The following BICDL1 variants were observed in gnomAD, a reference collection of about 807,000 sequenced individuals.
BICDL1 encodes BICD family like cargo adaptor 1, also known as BICD family-like cargo adapter 1.
A neutral mutation model predicts 76.8 loss-of-function variants in BICDL1; 20 were observed. That is an observed-to-expected ratio of 0.26 (90% CI 0.18 to 0.38). The LOEUF is 0.38. Among genes scored for constraint, BICDL1 ranks in the 10% least tolerant of loss-of-function variants. The probability of loss-of-function intolerance (pLI) is 1.00; values close to 1 mark genes in which losing one functional copy is unlikely to be tolerated. For missense variants in BICDL1, 700 were observed against 798.6 expected, an observed-to-expected ratio of 0.88 and a Z score of 1.49; for synonymous variants, 383 against 337.1, an observed-to-expected ratio of 1.14 and a Z score of -1.49.
chr12:120,001,507 A>G (rs373683720), intron 2 of BICDL1, among the ~76,000 whole-genome samples: 16 of 152,262 alleles, frequency 1.1e-4, no homozygotes, highest in East Asian at 3.9e-4. Context: ...CGGCCTCCCA[A>G]AGTGCTGGGA....
At chr12:120,087,176 G>T (rs765765665) in intron 8 of BICDL1, among the ~76,000 whole-genome samples, 6 of 152,244 alleles carry the variant, frequency 3.9e-5, no homozygotes, top group South Asian at 4.1e-4. Context: ...GAGGATTTCC[G>T]CTGTTTGCTG....
chr12:120,044,861 T>C (rs1952714772), intron 2 of BICDL1, among the ~76,000 whole-genome samples: 1 of 152,196 alleles, frequency 6.6e-6, no homozygotes, highest in South Asian at 2.1e-4. Flanking sequence ...GCTTTGTTCT[T>C]TTGGCGTAGG....
intron 2 of BICDL1, among the ~76,000 whole-genome samples, chr12:120,037,444 C>T (rs1047619075): frequency 6.6e-6 from 1 of 151,900 alleles, no homozygotes; most frequent in African/African-American, 2.4e-5. Flanking sequence ...CGAGAATTTT[C>T]AGGCTTGTAA....
intron 2 of BICDL1, among the ~76,000 whole-genome samples, chr12:120,006,745 G>A (rs951987195): frequency 6.6e-6 from 1 of 152,170 alleles, no homozygotes; most frequent in Non-Finnish European, 1.5e-5. Flanking sequence ...AGGGTTAGGA[G>A]ATGAGATCAG....
chr12:120,084,907 A>G lies in BICDL1; in HGVS notation c.1583+3890A>G, dbSNP rs1416950811. On this transcript the variant is annotated intron_variant, in intron 8 of 9. Transcript: ENST00000548673. ...CTCTGTCTCAAAAAAAAAAAAAAAAATTACTCATACTCTAACCTCACTTCC... is the reference window on the plus strand; with the variant it reads ...CTCTGTCTCAAAAAAAAAAAAAAAAGTTACTCATACTCTAACCTCACTTCC... Among the ~76,000 whole-genome samples the G allele has an allele frequency of 2.0e-5, 3 of 151,678 alleles. 1 individual carries two copies.
intron 3 of BICDL1, among the ~76,000 whole-genome samples, chr12:120,063,789 C>G (rs1184527315): frequency 6.6e-6 from 1 of 151,716 alleles, no homozygotes; most frequent in Non-Finnish European, 1.5e-5. Context: ...GGAGTCAGAT[C>G]CAATTGGCAG....
At chr12:120,060,893 C>T (rs1354088236) in intron 2 of BICDL1, among the ~76,000 whole-genome samples, 1 of 152,136 alleles carries the variant, frequency 6.6e-6, no homozygotes, top group Non-Finnish European at 1.5e-5. Context: ...TGATCTCTCC[C>T]GAGAGAACCC....
chr12:120,028,259 T>A (rs1952348777), intron 2 of BICDL1, among the ~76,000 whole-genome samples: 1 of 152,230 alleles, frequency 6.6e-6, no homozygotes, highest in Admixed American at 6.5e-5. Context: ...ACTCGAGTTT[T>A]AATTAATAAG....
chr12:120,080,787 G>A (rs1873907899), intron 7 of BICDL1, 100 bp from the exon 8 acceptor site: 5 of 1,378,690 alleles, frequency 3.6e-6, no homozygotes, highest in Admixed American at 2.1e-5. Flanking sequence ...CCCCACACAT[G>A]TACCCTGGTC....
chr12:120,054,835 G>A (rs1194791097), intron 2 of BICDL1, among the ~76,000 whole-genome samples: 6 of 152,068 alleles, frequency 3.9e-5, no homozygotes, highest in Admixed American at 2.0e-4. Flanking sequence ...AGCCGAGATC[G>A]CACGACAGCA....
intron 2 of BICDL1, among the ~76,000 whole-genome samples, chr12:120,036,839 G>C (rs1952539594): frequency 6.6e-6 from 1 of 152,196 alleles, no homozygotes; most frequent in African/African-American, 2.4e-5. Flanking sequence ...TCATGCCACT[G>C]TGCTCCAGCC....
rs565369082 is a variant in BICDL1 at position 120,068,928 on chromosome 12, G to A, written c.910-2694G>A. 2.2e-4 allele frequency among the ~76,000 whole-genome samples: 34 copies of A among 152,276 alleles called. No individual in the cohort carries two copies. In the South Asian group the frequency reaches 6.6e-3, roughly 30 times the overall value. ...AGAAGGGGCCATGGAGAATGCAGTG[G>A]GGTAGAGGGGGTGAAGTAGCAGCAT... On this transcript the variant is annotated intron_variant, in intron 4 of 9. Transcript: ENST00000548673.
chr12:120,072,442 C>A, intron 5 of BICDL1, 69 bp from the exon 6 acceptor site: 1 of 1,460,286 alleles, frequency 6.8e-7, no homozygotes, highest in Non-Finnish European at 9.6e-7. Context: ...GGGTTCAGAG[C>A]TAGAAAAAGA....
At chr12:120,075,330 A>G (rs185869507) in intron 7 of BICDL1, among the ~76,000 whole-genome samples, 17 of 151,468 alleles carry the variant, frequency 1.1e-4, no homozygotes, top group Admixed American at 1.0e-3. Flanking sequence ...TTGCTGCTGC[A>G]TGAGGTTTCT....
Position 120,042,062 on chromosome 12 carries a change from G to A in BICDL1, c.646-19648G>A, listed in dbSNP as rs114706013. ...GTAGGAGCAGGGAGACCAAGTAGGT[G>A]GCACCACAGTCAGTAGTCTTGGTGG... On this transcript the variant is annotated intron_variant, in intron 2 of 9. Coordinates refer to ENST00000548673, the MANE Select transcript of BICDL1 (RefSeq NM_001367886.1). Among the ~76,000 whole-genome samples the A allele has an allele frequency of 7.9e-3, 1,207 of 152,194 alleles. 16 individuals carry two copies. Among genetic ancestry groups the A allele is most frequent in the African/African-American group, 0.026 (1,100 of 41,518 alleles).
At chr12:120,038,154 C>G (rs978572961) in intron 2 of BICDL1, among the ~76,000 whole-genome samples, 1 of 152,140 alleles carries the variant, frequency 6.6e-6, no homozygotes, top group Non-Finnish European at 1.5e-5. Flanking sequence ...GATCCCTGTC[C>G]CAATACTTAT....
rs1412000690 is a variant in BICDL1 at position 120,080,893 on chromosome 12, C to G, written c.1459C>G (p.Leu487Val). ...ELQRLHSQVT[L>V]LSVEMTALKE... is the part of the protein sequence containing the mutation. ...ATATTCATTCTCCTGTTAGGTGACA[C>G]TGCTGAGTGTGGAGATGACTGCCCT... Residue 487 changes from leucine to valine, a missense_variant, in exon 8 of 10, where the codon CTG becomes GTG. By Grantham distance (32) the Leu-to-Val change is conservative (BLOSUM62 1). Coordinates refer to ENST00000548673, the MANE Select transcript of BICDL1 (RefSeq NM_001367886.1). The G allele has an allele frequency of 6.2e-7, 1 of 1,613,296 alleles. No individual in the cohort carries two copies.
At chr12:120,019,345 T>C (rs1384417173) in intron 2 of BICDL1, 12 of 152,242 alleles carry the variant, frequency 7.9e-5, no homozygotes. Flanking sequence ...TTTTATCCTC[T>C]GACTCTACTG....
At chr12:120,007,064 T>G (rs1326587192) in intron 2 of BICDL1, among the ~76,000 whole-genome samples, 2 of 152,032 alleles carry the variant, frequency 1.3e-5, no homozygotes, top group African/African-American at 4.8e-5. Context: ...AATAAATGGT[T>G]GTGGGAAGGA....
Sources: gnomAD v4.1 joint callset for allele counts (sites outside exome capture counted in the v4.1 genomes callset) on GRCh38, gnomAD v4.1.1 for gene constraint, MANE v1.5 for transcripts, NCBI Gene and HGNC (gene_info 2026-07-23, HGNC 2026-07-21) for gene names.